Variants in ZMAT4 observed in about 807,000 individuals in gnomAD.
The protein encoded by ZMAT4 is zinc finger matrin-type 4.
In ZMAT4, 17 loss-of-function variants were observed where a neutral mutation model predicts 28.7. That is an observed-to-expected ratio of 0.59 (90% confidence interval 0.41 to 0.89). The LOEUF is 0.89. ZMAT4 is among the 40% of genes least tolerant of loss of function. The pLI is 0.00. For missense variants in ZMAT4, 240 were observed against 283.8 expected (o/e 0.85, Z 1.11); for synonymous variants, 117 against 109.2 (o/e 1.07, Z -0.44).
At chr8:40,710,943 G>A (rs1219807645) in intron 3 of ZMAT4, among the ~76,000 whole-genome samples, 1 of 151,950 alleles carries the variant, frequency 6.6e-6, no homozygotes, top group Non-Finnish European at 1.5e-5. Flanking sequence ...ACCACACCCA[G>A]ATAAATTTTT....
chr8:40,611,787 G>A (rs1038921249), intron 5 of ZMAT4, among the ~76,000 whole-genome samples: 4 of 152,044 alleles, frequency 2.6e-5, no homozygotes, highest in African/African-American at 4.8e-5. Context: ...AAGGGAGATC[G>A]GTAAAAATGA....
At chr8:40,639,411 A>T (rs945496658) in intron 5 of ZMAT4, among the ~76,000 whole-genome samples, 1 of 152,078 alleles carries the variant, frequency 6.6e-6, no homozygotes, top group African/African-American at 2.4e-5. Context: ...ATCTCCAGCT[A>T]CCTAGCGCTC....
At chr8:40,560,881 C>G (rs1803715426) in intron 6 of ZMAT4, among the ~76,000 whole-genome samples, 1 of 152,272 alleles carries the variant, frequency 6.6e-6, no homozygotes, top group African/African-American at 2.4e-5. Context: ...TAAACCCTAA[C>G]CTTTTCCTCT....
At chr8:40,776,951 A>G (rs1813623638) in intron 2 of ZMAT4, among the ~76,000 whole-genome samples, 1 of 149,726 alleles carries the variant, frequency 6.7e-6, no homozygotes, top group Non-Finnish European at 1.5e-5. Context: ...TAAAGTCATG[A>G]GTTTATTGCG....
chr8:40,880,470 T>A (rs778301752), intron 1 of ZMAT4, among the ~76,000 whole-genome samples: 1 of 152,136 alleles, frequency 6.6e-6, no homozygotes, highest in Non-Finnish European at 1.5e-5. Flanking sequence ...CTGAGCAATG[T>A]CATCTTTAAC....
chr8:40,854,198 G>T (rs182277790), intron 1 of ZMAT4, among the ~76,000 whole-genome samples: 1 of 152,280 alleles, frequency 6.6e-6, no homozygotes, highest in East Asian at 1.9e-4. Flanking sequence ...TGGAAGGGAC[G>T]CATAGTAAAC....
rs879767355 is a variant in ZMAT4 at position 40,746,251 on chromosome 8, CCCTCCCTCCCTCCCTT to C, written c.192+21374_192+21389del. ...TCCCTCCCTCCCTCCCTCCCTCCCT[CCCTCCCTCCCTCCCTT>C]CCTTCCTTTCTTTCTTTCTTTTCTT... is the stretch of plus-strand genomic sequence containing the variant. On this transcript the variant is annotated intron_variant, in intron 3 of 6. Coordinates refer to ENST00000297737, the MANE Select transcript of ZMAT4 (RefSeq NM_024645.3). 4.4e-3 allele frequency among the ~76,000 whole-genome samples: 173 copies of C among 39,254 alleles called. 1 individual carries two copies. The highest frequency in any genetic ancestry group is 0.02 in the Admixed American group (55 of 2,770). 25.8% of individuals were successfully genotyped at this position (39,254 alleles called of 152,430 possible). A position where few individuals can be genotyped will look rare whatever the true frequency, so the allele number is the denominator to read the frequency against.
At chr8:40,709,711 A>G (rs1167588534) in intron 3 of ZMAT4, among the ~76,000 whole-genome samples, 2 of 152,192 alleles carry the variant, frequency 1.3e-5, no homozygotes, top group African/African-American at 4.8e-5. Context: ...GATTTTAATA[A>G]CCAAAATGAC....
Position 40,531,300 on chromosome 8 carries a change from T to C in ZMAT4, c.*923A>G, listed in dbSNP as rs1802687083. The C allele has an allele frequency of 6.6e-6, 1 of 152,160 alleles. No individual in the cohort carries two copies. The highest frequency in any genetic ancestry group is 6.5e-5 in the Admixed American group (1 of 15,278). 9.4% of individuals were successfully genotyped at this position (152,160 alleles called of 1,614,324 possible). On this transcript the variant is annotated 3_prime_UTR_variant, in exon 7 of 7. Transcript: ENST00000297737. Reference sequence around the variant, plus strand: ...AACAGAAGAAATAGGGGACCCCGCCTAGCCCAAGGCCGCCATTTCTTCAGA... The same window carrying C: ...AACAGAAGAAATAGGGGACCCCGCCCAGCCCAAGGCCGCCATTTCTTCAGA...
At chr8:40,773,984 C>G (rs1312363414) in intron 2 of ZMAT4, among the ~76,000 whole-genome samples, 3 of 151,822 alleles carry the variant, frequency 2.0e-5, no homozygotes, top group Admixed American at 2.0e-4. Flanking sequence ...TAATTTGGGA[C>G]TAAAAGAAAA....
intron 6 of ZMAT4, among the ~76,000 whole-genome samples, chr8:40,564,410 T>C (rs374476056): frequency 1.3e-5 from 2 of 152,154 alleles, no homozygotes; most frequent in East Asian, 3.9e-4. Flanking sequence ...TCTCCCCCTG[T>C]CAATGACACT....
intron 2 of ZMAT4, among the ~76,000 whole-genome samples, chr8:40,778,678 C>T (rs1813702371): frequency 6.6e-6 from 1 of 152,188 alleles, no homozygotes; most frequent in South Asian, 2.1e-4. Flanking sequence ...CTTTACAGGC[C>T]TTAGGGGAAG....
At chr8:40,588,160 A>G (rs1277875076) in intron 5 of ZMAT4, among the ~76,000 whole-genome samples, 1 of 152,032 alleles carries the variant, frequency 6.6e-6, no homozygotes, top group African/African-American at 2.4e-5. Flanking sequence ...AAAACTATAA[A>G]AACATAAAAA....
chr8:40,635,280 C>A (rs1260025237), intron 5 of ZMAT4, among the ~76,000 whole-genome samples: 1 of 152,120 alleles, frequency 6.6e-6, no homozygotes, highest in East Asian at 1.9e-4. Context: ...CCGCTAGGGG[C>A]CTTAATACGA....
rs776127903 is a variant in ZMAT4 at position 40,581,195 on chromosome 8, G to T, written c.644C>A (p.Ala215Asp). Residue 215 changes from alanine (A) to aspartate (D), a missense_variant, in exon 6 of 7, where the codon GCC becomes GAC. Transcript: ENST00000297737. Reference protein sequence around the residue: ...VSLNSIEQYHAHLKGSKHQTN... With the variant: ...VSLNSIEQYHDHLKGSKHQTN... ...CTGGTGTTTAGATCCTTTCAGATGG[G>T]CATGATACTGTTCTATTGAGTTTAG... 1.2e-6 allele frequency: 2 copies of T among 1,613,354 alleles called. No homozygotes were observed. The highest frequency in any genetic ancestry group is 1.7e-6 in the Non-Finnish European group (2 of 1,179,498).
Position 40,893,891 on chromosome 8 carries a change from C to T in ZMAT4, c.-5+3792G>A, listed in dbSNP as rs71519588. ...TCCATGTGTACTCAATGCTTAGCTC[C>T]CACTTATAAGTGAGAACATACACAC... On this transcript the variant is annotated intron_variant, in intron 1 of 6. Transcript: ENST00000297737. 4.5e-4 allele frequency among the ~76,000 whole-genome samples: 68 copies of T among 152,118 alleles called. 1 individual carries two copies. Among genetic ancestry groups the T allele is most frequent in the Non-Finnish European group, 8.2e-4 (56 of 68,030 alleles).
rs528458047 is a variant in ZMAT4, at chr8:40,701,374, C to T, written c.193-3973G>A. Among the ~76,000 whole-genome samples, 125 of 152,256 alleles carry T rather than the reference C, an allele frequency of 8.2e-4. 2 individuals are homozygous for T. In the South Asian group the frequency reaches 0.022, roughly 27 times the overall value. On this transcript the variant is annotated intron_variant, in intron 3 of 6. Coordinates refer to ENST00000297737, the MANE Select transcript of ZMAT4 (RefSeq NM_024645.3). ...GGCTGTGAGGCCCTGAAAAGTTAGG[C>T]AGCCTTTCATGCCAACAGTACACAC...
intron 6 of ZMAT4, among the ~76,000 whole-genome samples, chr8:40,541,217 T>C (rs1452012550): frequency 6.6e-6 from 1 of 152,176 alleles, no homozygotes; most frequent in Admixed American, 6.5e-5. Context: ...TTAGGCTAAG[T>C]CAATTACTAA....
At chr8:40,686,971 C>T (rs1809436966) in intron 4 of ZMAT4, among the ~76,000 whole-genome samples, 1 of 151,908 alleles carries the variant, frequency 6.6e-6, no homozygotes, top group Admixed American at 6.6e-5. Flanking sequence ...GAACATGAGG[C>T]GGGAAAAGTG....
Sources: allele counts gnomAD v4.1 joint callset (sites outside exome capture counted in the v4.1 genomes callset), GRCh38; gene constraint gnomAD v4.1.1; transcripts MANE v1.5; gene names NCBI Gene and HGNC (gene_info 2026-07-23, HGNC 2026-07-21).